The following CTNNA2 variants were observed in gnomAD, a reference collection of about 807,000 sequenced individuals.
CTNNA2 encodes the protein catenin alpha-2.
CTNNA2 carries 42 observed loss-of-function variants against 101.0 expected under a neutral mutation model. The ratio of observed to expected loss-of-function variants is 0.42; its 90% CI spans 0.32 to 0.54. The LOEUF (loss-of-function observed/expected upper bound fraction) is 0.54. Among genes scored for constraint, CTNNA2 ranks in the 20% least tolerant of loss-of-function variants. The pLI is 0.14. For missense variants in CTNNA2, 871 were observed against 1,223.1 expected, an observed-to-expected ratio of 0.71 and a Z score of 4.29; for synonymous variants, 450 against 456.4, an observed-to-expected ratio of 0.99 and a Z score of 0.18.
At chr2:80,143,739 C>G (rs1703157862) in intron 7 of CTNNA2, among the ~76,000 whole-genome samples, 1 of 152,164 alleles carries the variant, frequency 6.6e-6, no homozygotes, top group Non-Finnish European at 1.5e-5. Flanking sequence ...TAACTTGAAA[C>G]TGCCTGAAGG....
In CTNNA2 at chr2:79,199,389, A is replaced by G. The variant is rs190151315; in HGVS notation, c.-406+1313A>G. On this transcript the variant is annotated intron_variant, in intron 2 of 21. Transcript: ENST00000466387. ...AGTAATTGGTTCAGGATAAGCTTCA[A>G]TTTTGCCCAAAAAAGAAAAGTGTTT... 8.1e-4 allele frequency among the ~76,000 whole-genome samples: 124 copies of G among 152,290 alleles called. 1 individual carries two copies. The highest frequency in any genetic ancestry group is 1.4e-3 in the Admixed American group (22 of 15,298).
chr2:79,999,185 C>G (rs2103948898), intron 7 of CTNNA2, among the ~76,000 whole-genome samples: 1 of 152,348 alleles, frequency 6.6e-6, no homozygotes, highest in Admixed American at 6.5e-5. Flanking sequence ...ACCAGCTCCC[C>G]CATAAACCTC....
chr2:79,911,209 A>G (rs1685771319), intron 7 of CTNNA2, among the ~76,000 whole-genome samples: 3 of 152,206 alleles, frequency 2.0e-5, no homozygotes, highest in South Asian at 2.1e-4. Context: ...GTGTCAACGA[A>G]GAATGCTTAT....
At chr2:79,421,669 T>C (rs1678541717) in intron 4 of CTNNA2, among the ~76,000 whole-genome samples, 1 of 152,142 alleles carries the variant, frequency 6.6e-6, no homozygotes, top group South Asian at 2.1e-4. Flanking sequence ...TAGAAATTAG[T>C]ATTGTCAAGC....
At chr2:79,985,486 C>T (rs1232523289) in intron 7 of CTNNA2, among the ~76,000 whole-genome samples, 2 of 152,116 alleles carry the variant, frequency 1.3e-5, no homozygotes, top group African/African-American at 4.8e-5. Flanking sequence ...CCTCAGAGTC[C>T]AGTCTAGACC....
chr2:79,231,280 G>A (rs781143583), intron 2 of CTNNA2, among the ~76,000 whole-genome samples: 7 of 152,236 alleles, frequency 4.6e-5, no homozygotes, highest in East Asian at 3.9e-4. Context: ...TCATGGAGGC[G>A]GGTCCTTCCT....
chr2:79,637,273 A>G (rs1212076060), intron 1 of CTNNA2, among the ~76,000 whole-genome samples: 1 of 152,208 alleles, frequency 6.6e-6, no homozygotes, highest in Non-Finnish European at 1.5e-5. Flanking sequence ...AATTGAGGAT[A>G]CAGAAGAGAG....
intron 9 of CTNNA2, among the ~76,000 whole-genome samples, chr2:80,468,194 A>G (rs1417894809): frequency 6.6e-6 from 1 of 152,180 alleles, no homozygotes; most frequent in Non-Finnish European, 1.5e-5. Context: ...GCCAAGAGTT[A>G]TCAGGGCGAA....
intron 4 of CTNNA2, among the ~76,000 whole-genome samples, chr2:79,459,541 T>G (rs1176323597): frequency 6.6e-6 from 1 of 152,160 alleles, no homozygotes; most frequent in Non-Finnish European, 1.5e-5. Context: ...TTAGAATTAC[T>G]CAGTTTTACT....
chr2:80,138,448 C>T (rs889543290), intron 7 of CTNNA2, among the ~76,000 whole-genome samples: 1 of 152,092 alleles, frequency 6.6e-6, no homozygotes, highest in Non-Finnish European at 1.5e-5. Flanking sequence ...ATGATGATTA[C>T]ATGTGTTAAT....
intron 1 of CTNNA2, among the ~76,000 whole-genome samples, chr2:79,549,974 A>G (rs764078188): frequency 2.0e-5 from 3 of 152,200 alleles, no homozygotes; most frequent in Non-Finnish European, 2.9e-5. Context: ...CCAGTAAAAT[A>G]ATCACTGGCT....
At chr2:79,874,549 G>T (rs930406981) in intron 6 of CTNNA2, among the ~76,000 whole-genome samples, 1 of 152,146 alleles carries the variant, frequency 6.6e-6, no homozygotes, top group Non-Finnish European at 1.5e-5. Flanking sequence ...CTGTGGCTGC[G>T]GTGGCTCACC....
intron 6 of CTNNA2, among the ~76,000 whole-genome samples, chr2:79,909,295 T>C (rs1244002938): frequency 6.6e-6 from 1 of 152,246 alleles, no homozygotes; most frequent in Non-Finnish European, 1.5e-5. Flanking sequence ...AAAGGCTACG[T>C]ATTTTAAAAA....
intron 2 of CTNNA2, among the ~76,000 whole-genome samples, chr2:79,274,347 A>G: frequency 6.6e-6 from 1 of 152,152 alleles, no homozygotes; most frequent in Middle Eastern, 3.4e-3. Flanking sequence ...GCCAGTGGGG[A>G]CTTTTAGTCT....
At chr2:79,963,516 C>T (rs1014347955) in intron 7 of CTNNA2, among the ~76,000 whole-genome samples, 2 of 152,172 alleles carry the variant, frequency 1.3e-5, no homozygotes, top group South Asian at 4.1e-4. Flanking sequence ...TTCCAGATAG[C>T]CCATGTCAGT....
chr2:79,412,253 T>G (rs1301965632), intron 4 of CTNNA2, among the ~76,000 whole-genome samples: 1 of 152,004 alleles, frequency 6.6e-6, no homozygotes, highest in Non-Finnish European at 1.5e-5. Context: ...AGCAAGTCCT[T>G]AGAGACCAAC....
At chr2:79,273,282 G>A (rs1159981801) in intron 2 of CTNNA2, among the ~76,000 whole-genome samples, 2 of 152,020 alleles carry the variant, frequency 1.3e-5, no homozygotes, top group African/African-American at 4.8e-5. Flanking sequence ...AATAAAGACT[G>A]AAACACAGAG....
chr2:79,685,766 C>T (rs536929481), intron 2 of CTNNA2, among the ~76,000 whole-genome samples: 1 of 152,212 alleles, frequency 6.6e-6, no homozygotes, highest in African/African-American at 2.4e-5. Flanking sequence ...AATTAGCATT[C>T]GCTGCCCAAT....
Position 80,545,936 on chromosome 2 carries a change from C to T in CTNNA2, c.1413C>T (p.Ala471=). 1.2e-6 allele frequency: 2 copies of T among 1,614,038 alleles called. No individual in the cohort carries two copies. Among genetic ancestry groups the T allele is most frequent in the Non-Finnish European group, 1.7e-6 (2 of 1,179,964 alleles). The change falls in exon 11 of 19, where the codon GCC becomes GCT. Residue 471 remains alanine, a synonymous_variant. Coordinates refer to ENST00000402739, the MANE Select transcript of CTNNA2 (RefSeq NM_001282597.3). The part of the protein sequence containing the change: ...QVINAALTLA[A]RPQSKVAQDN... ...TCAATGCCGCTCTGACACTGGCTGCCCGGCCACAGAGCAAAGTTGCTCAGG... is the reference window on the plus strand; with the variant it reads ...TCAATGCCGCTCTGACACTGGCTGCTCGGCCACAGAGCAAAGTTGCTCAGG...
Sources: gnomAD v4.1 joint callset for allele counts (sites outside exome capture counted in the v4.1 genomes callset) on GRCh38, gnomAD v4.1.1 for gene constraint, MANE v1.5 for transcripts, NCBI Gene and HGNC (gene_info 2026-07-23, HGNC 2026-07-21) for gene names.